MME: variants seen among roughly 807,000 people sequenced by gnomAD.
MME encodes the protein membrane metalloendopeptidase.
Under a neutral mutation model 113.2 loss-of-function variants are expected in MME, and 98 were observed. The ratio of observed to expected loss-of-function variants is 0.87; its 90% CI spans 0.74 to 1.02. The LOEUF (loss-of-function observed/expected upper bound fraction) is 1.02, where lower values mean the gene tolerates loss of function less well. Among genes scored for constraint, MME ranks in the 50% least tolerant of loss-of-function variants. The probability of loss-of-function intolerance (pLI) is 0.00; values close to 1 mark genes in which losing one functional copy is unlikely to be tolerated. For missense variants in MME, 836 were observed against 896.0 expected, an observed-to-expected ratio of 0.93 and a Z score of 0.86; for synonymous variants, 292 against 300.6, an observed-to-expected ratio of 0.97 and a Z score of 0.30.
In MME at chr3:155,047,742, TA is replaced by T. The variant is rs148586424; in HGVS notation, c.-11+23420del. The stretch of plus-strand genomic sequence containing the variant: ...TGTTCTTGGTTCTCTGTATGTAGGA[TA>T]ATTTTTTTTTATTGTATCCTTAACA... On this transcript the variant is annotated intron_variant, in intron 1 of 22. Transcript: ENST00000492661. Among the ~76,000 whole-genome samples the T allele has an allele frequency of 1.5e-3, 226 of 152,258 alleles. 1 individual carries two copies. The highest frequency in any genetic ancestry group is 5.2e-3 in the African/African-American group (218 of 41,546).
At chr3:155,042,269 C>G (rs558594474) in intron 1 of MME, among the ~76,000 whole-genome samples, 52 of 152,284 alleles carry the variant, frequency 3.4e-4, no homozygotes, top group Admixed American at 2.3e-3. Context: ...CTTCCATCAG[C>G]TGGGTCAACT....
intron 13 of MME, among the ~76,000 whole-genome samples, chr3:155,143,811 C>T (rs920363219): frequency 6.6e-6 from 1 of 152,124 alleles, no homozygotes; most frequent in Non-Finnish European, 1.5e-5. Context: ...TTTCCAGAAG[C>T]AGTGTATTTG....
chr3:155,163,829 T>C (rs1722889687), intron 17 of MME, among the ~76,000 whole-genome samples: 1 of 152,144 alleles, frequency 6.6e-6, no homozygotes, highest in Non-Finnish European at 1.5e-5. Context: ...CCAAACATAT[T>C]GTTACTCCAT....
rs117181118 is a variant in MME, at chr3:155,049,972, C to T, written c.-11+25648C>T. On this transcript the variant is annotated intron_variant, in intron 1 of 22. Coordinates refer to the MME transcript ENST00000492661. ...ACCCAAAAGGTATTTTTTCTGATCT[C>T]GTTCCTCCTCCGAACCTTCACTTCC... 5.9e-3 allele frequency among the ~76,000 whole-genome samples: 893 copies of T among 152,170 alleles called. 33 individuals carry two copies. The highest frequency in any genetic ancestry group is 0.049 in the Admixed American group (755 of 15,258).
intron 3 of MME, among the ~76,000 whole-genome samples, chr3:155,091,347 C>T (rs1279292870): frequency 2.6e-5 from 4 of 152,152 alleles, no homozygotes; most frequent in Admixed American, 2.0e-4. Context: ...GTTTTTTACC[C>T]TCCAGGGAAA....
chr3:155,139,786 G>A (rs543728266), intron 9 of MME, among the ~76,000 whole-genome samples: 6 of 152,254 alleles, frequency 3.9e-5, no homozygotes, highest in South Asian at 2.1e-4. Flanking sequence ...CTAGGACACC[G>A]AATGGTAATG....
At chr3:155,034,346 G>A (rs1394345233) in intron 1 of MME, among the ~76,000 whole-genome samples, 2 of 152,064 alleles carry the variant, frequency 1.3e-5, no homozygotes, top group Non-Finnish European at 2.9e-5. Context: ...TGCTTTTTCT[G>A]CCCAAGTGGA....
At chr3:155,144,544 T>C in intron 14 of MME, 87 bp downstream of exon 14, 2 of 835,754 alleles carry the variant, frequency 2.4e-6, no homozygotes, top group Non-Finnish European at 2.0e-6. Context: ...AAAAATATAA[T>C]CAAAGATTGC....
intron 1 of MME, among the ~76,000 whole-genome samples, chr3:155,025,728 T>C (rs1712760048): frequency 7.4e-6 from 1 of 134,556 alleles, no homozygotes; most frequent in Non-Finnish European, 1.6e-5. Context: ...AGTTTCACTC[T>C]GTCGCCCAGG....
At position 155,148,558 on chromosome 3, in the gene MME, C is replaced by T. The variant is rs760544692; in HGVS notation, c.1506C>T (p.Tyr502=). 3.8e-6 allele frequency: 6 copies of T among 1,598,404 alleles called. No individual in the cohort carries two copies. The Admixed American group carries it at 1.0e-4, about 27-fold the overall frequency. The change falls in exon 16 of 23, where the codon TAC becomes TAT. Residue 502 remains tyrosine (Y), a synonymous_variant. Coordinates refer to ENST00000360490, the MANE Select transcript of MME (RefSeq NM_007289.4). ...KLNNEYLELN[Y]KEDEYFENII... is the part of the protein sequence containing the mutation. ...TCTTCTTTATAATACAGTTGAACTACAAAGAAGATGAATACTTCGAGAACA... is the reference window on the plus strand; with the variant it reads ...TCTTCTTTATAATACAGTTGAACTATAAAGAAGATGAATACTTCGAGAACA...
Position 155,141,976 on chromosome 3 carries a change from C to T in MME, c.958-15C>T, listed in dbSNP as rs1465332914. 1.2e-6 allele frequency: 2 copies of T among 1,613,316 alleles called. No homozygotes were observed. Among genetic ancestry groups the T allele is most frequent in the South Asian group, 1.1e-5 (1 of 91,072 alleles). ...ATCCACAATTTCTGAATGTTTCATG[C>T]CTGCTTTTTTCCAGCCATTCAGCTG... On this transcript the variant is annotated splice_polypyrimidine_tract_variant and intron_variant, in intron 10 of 22. Coordinates refer to ENST00000360490, the MANE Select transcript of MME (RefSeq NM_007289.4).
chr3:155,148,607 C>G lies in MME; in HGVS notation c.1555C>G (p.Gln519Glu), dbSNP rs747489158. Residue 519 changes from glutamine to glutamate, a missense_variant, in exon 16 of 23, where the codon CAA (glutamine) becomes GAA (glutamate). Physicochemically the swap from Gln to Glu is conservative, Grantham distance 29 (BLOSUM62 2). Transcript: ENST00000360490. Reference protein sequence around the residue: ...ENIIQNLKFSQSKQLKKLREK... With the variant: ...ENIIQNLKFSESKQLKKLREK... ...CATAATTCAAAATTTGAAATTCAGC[C>G]AAAGTAAACAACTGAAGAAGCTCCG... is the stretch of plus-strand genomic sequence containing the variant. 2 of 1,612,586 alleles carry G rather than the reference C, an allele frequency of 1.2e-6. No homozygotes were observed. Among genetic ancestry groups the G allele is most frequent in the Admixed American group, 1.7e-5 (1 of 59,936 alleles).
intron 1 of MME, among the ~76,000 whole-genome samples, chr3:155,082,234 G>A (rs1222772365): frequency 6.6e-6 from 1 of 151,962 alleles, no homozygotes; most frequent in African/African-American, 2.4e-5. Context: ...GACACTGACT[G>A]TCATTTCTAA....
intron 16 of MME, among the ~76,000 whole-genome samples, chr3:155,159,740 C>T (rs1435153142): frequency 1.3e-5 from 2 of 151,904 alleles, no homozygotes; most frequent in Non-Finnish European, 2.9e-5. Context: ...CTATACAGAG[C>T]CTTAGACATG....
intron 1 of MME, among the ~76,000 whole-genome samples, chr3:155,048,441 T>C (rs1003744430): frequency 8.5e-5 from 13 of 152,216 alleles, no homozygotes; most frequent in African/African-American, 2.7e-4. Context: ...GAGTTTAGTA[T>C]TGGGAGAAAT....
intron 3 of MME, among the ~76,000 whole-genome samples, chr3:155,097,907 A>G (rs1716874825): frequency 1.3e-5 from 2 of 152,166 alleles, no homozygotes; most frequent in Non-Finnish European, 2.9e-5. Flanking sequence ...ATGGCATTAA[A>G]CCAGGCAGTT....
intron 20 of MME, among the ~76,000 whole-genome samples, chr3:155,169,979 G>A (rs1711739852): frequency 6.6e-6 from 1 of 152,122 alleles, no homozygotes; most frequent in Non-Finnish European, 1.5e-5. Flanking sequence ...ACCAGTTCCA[G>A]GGACATGGGA....
At chr3:155,088,931 AT>A (rs1310697133) in intron 3 of MME, among the ~76,000 whole-genome samples, 2 of 152,142 alleles carry the variant, frequency 1.3e-5, no homozygotes, top group Non-Finnish European at 2.9e-5. Context: ...CTTATCTTTG[AT>A]TCTTTGAAGT....
In MME at chr3:155,032,518, G is replaced by A. The variant is rs182583108; in HGVS notation, c.-11+8194G>A. Among the ~76,000 whole-genome samples, 164 of 152,318 alleles carry A rather than the reference G, an allele frequency of 1.1e-3. 1 individual carries two copies. The highest frequency in any genetic ancestry group is 3.8e-3 in the African/African-American group (156 of 41,572). On this transcript the variant is annotated intron_variant, in intron 1 of 22. Coordinates refer to the MME transcript ENST00000492661. ...AGCTTCAATTCCAACTCCATTGACT[G>A]TGAATTAGGTTGCTTGAATACAGTC...
Sources: gnomAD v4.1 joint callset for allele counts (sites outside exome capture counted in the v4.1 genomes callset) on GRCh38, gnomAD v4.1.1 for gene constraint, MANE v1.5 for transcripts, NCBI Gene and HGNC (gene_info 2026-07-23, HGNC 2026-07-21) for gene names.